Variants in RAPGEF4 observed in about 807,000 individuals in gnomAD.
RAPGEF4 encodes Rap guanine nucleotide exchange factor 4, also known as RAP guanine-nucleotide-exchange factor (GEF) 4.
In RAPGEF4, 66 loss-of-function variants were observed where a neutral mutation model predicts 147.9. The ratio of observed to expected loss-of-function variants is 0.45; its 90% CI spans 0.37 to 0.55. The LOEUF is 0.55. Ranked by LOEUF, RAPGEF4 falls within the 20% of genes least tolerant of loss-of-function variation. The probability of loss-of-function intolerance (pLI) is 0.00; values close to 1 mark genes in which losing one functional copy is unlikely to be tolerated. For missense variants in RAPGEF4, 1,071 were observed against 1,257.3 expected, an observed-to-expected ratio of 0.85 and a Z score of 2.24; for synonymous variants, 419 against 442.7, an observed-to-expected ratio of 0.95 and a Z score of 0.67.
intron 4 of RAPGEF4, among the ~76,000 whole-genome samples, chr2:172,833,588 G>T (rs563378378): frequency 6.6e-6 from 1 of 152,182 alleles, no homozygotes; most frequent in South Asian, 2.1e-4. Context: ...GTCTGTGAAT[G>T]GCTGGTTCAC....
intron 1 of RAPGEF4, among the ~76,000 whole-genome samples, chr2:172,773,370 T>A (rs964074151): frequency 6.6e-6 from 1 of 152,230 alleles, no homozygotes; most frequent in Non-Finnish European, 1.5e-5. Context: ...TAGGGACAAA[T>A]GGTTCATATG....
intron 4 of RAPGEF4, among the ~76,000 whole-genome samples, chr2:172,825,278 G>T (rs773952256): frequency 1.3e-5 from 2 of 152,190 alleles, no homozygotes; most frequent in Non-Finnish European, 2.9e-5. Flanking sequence ...ATAAAGTGTT[G>T]AATATCTCAT....
intron 6 of RAPGEF4, among the ~76,000 whole-genome samples, chr2:172,929,870 A>G (rs915821040): frequency 2.6e-5 from 4 of 152,200 alleles, no homozygotes; most frequent in African/African-American, 9.7e-5. Flanking sequence ...AGCTCTGCCA[A>G]TTTCTAACAT....
At chr2:172,814,516 T>C (rs764126696) in intron 4 of RAPGEF4, 91 bp downstream of exon 4, 2 of 1,461,392 alleles carry the variant, frequency 1.4e-6, no homozygotes, top group Non-Finnish European at 1.9e-6. Context: ...CAAGCCTTAA[T>C]GTGTTCTGTT....
chr2:172,744,817 GT>G (rs36094379), intron 1 of RAPGEF4, among the ~76,000 whole-genome samples: 18,293 of 150,284 alleles, frequency 0.12, 1,316 homozygotes, highest in Non-Finnish European at 0.16. Context: ...TCATGTAGTT[GT>G]TTTTTTTTAG....
At chr2:172,801,381 G>T (rs1413038129) in intron 3 of RAPGEF4, among the ~76,000 whole-genome samples, 1 of 152,184 alleles carries the variant, frequency 6.6e-6, no homozygotes, top group Non-Finnish European at 1.5e-5. Context: ...GCTCCTTGCT[G>T]CCCTGCATGT....
rs375095247 is a variant in RAPGEF4 at position 172,990,779 on chromosome 2, C to T, written c.1375-31C>T. On this transcript the variant is annotated intron_variant, in intron 14 of 30. Transcript: ENST00000397081. ...TTTTCATTGTCTGAGTAAGCGGCAGCATCTGTATGTGGTGTAATTTGTATT... is the reference window on the plus strand; with the variant it reads ...TTTTCATTGTCTGAGTAAGCGGCAGTATCTGTATGTGGTGTAATTTGTATT... 4.2e-5 allele frequency: 64 copies of T among 1,518,144 alleles called. 1 individual carries two copies. Among genetic ancestry groups the T allele is most frequent in the East Asian group, 3.4e-4 (15 of 44,144 alleles). The allele number at this position is 1,518,144 out of a possible 1,614,324, so 94.0% of individuals were successfully genotyped here.
rs141037453 is a variant in RAPGEF4 at position 172,800,762 on chromosome 2, C to T, written c.297+3149C>T. Among the ~76,000 whole-genome samples the T allele has an allele frequency of 5.2e-4, 79 of 152,274 alleles. 1 individual carries two copies. In the East Asian group the frequency reaches 0.012, roughly 23 times the overall value. Reference sequence around the variant, plus strand: ...CAAGTGAGTAGACGAGGTACACGCACATCATGGAGGGTAATCAACTTTAAG... The same window carrying T: ...CAAGTGAGTAGACGAGGTACACGCATATCATGGAGGGTAATCAACTTTAAG... On this transcript the variant is annotated intron_variant, in intron 3 of 30. Coordinates refer to ENST00000397081, the MANE Select transcript of RAPGEF4 (RefSeq NM_007023.4).
intron 1 of RAPGEF4, among the ~76,000 whole-genome samples, chr2:172,794,102 G>T (rs1013388747): frequency 5.0e-4 from 76 of 152,040 alleles, no homozygotes; most frequent in African/African-American, 1.7e-3. Context: ...CACACAGCCT[G>T]GGTGACAAAG....
At chr2:172,804,811 A>G (rs1325285675) in intron 3 of RAPGEF4, among the ~76,000 whole-genome samples, 2 of 152,216 alleles carry the variant, frequency 1.3e-5, no homozygotes, top group Non-Finnish European at 2.9e-5. Context: ...TACATTTCAG[A>G]GAAGTATTAA....
chr2:172,832,411 T>C (rs1156780003), intron 4 of RAPGEF4, among the ~76,000 whole-genome samples: 1 of 152,182 alleles, frequency 6.6e-6, no homozygotes, highest in Non-Finnish European at 1.5e-5. Flanking sequence ...AAATATGGGA[T>C]CTCTTGTTCT....
At chr2:172,985,887 G>A (rs140509223) in intron 12 of RAPGEF4, among the ~76,000 whole-genome samples, 1 of 152,340 alleles carries the variant, frequency 6.6e-6, no homozygotes, top group African/African-American at 2.4e-5. Context: ...GAGGTTGTTA[G>A]TTAGAATGAT....
intron 6 of RAPGEF4, among the ~76,000 whole-genome samples, chr2:172,934,147 C>CTTTTTT (rs5836396): frequency 1.8e-4 from 18 of 99,134 alleles, no homozygotes; most frequent in Non-Finnish European, 2.0e-4. Flanking sequence ...TTATTTAATC[C>CTTTTTT]TTTTTTTTTT....
intron 16 of RAPGEF4, 125 bp from the exon 17 acceptor site, chr2:173,001,136 TGTAAA>T (rs1693877254): frequency 2.2e-6 from 3 of 1,352,226 alleles, no homozygotes; most frequent in South Asian, 1.5e-5. Context: ...AGTGCTTCCA[TGTAAA>T]GTAAACTCAT....
intron 29 of RAPGEF4, among the ~76,000 whole-genome samples, chr2:173,039,780 A>G (rs1291143693): frequency 1.3e-5 from 2 of 152,212 alleles, no homozygotes; most frequent in African/African-American, 4.8e-5. Flanking sequence ...GGTTTTATTC[A>G]TATGAAAGAG....
chr2:172,892,029 G>A (rs1008620330), intron 4 of RAPGEF4, among the ~76,000 whole-genome samples: 1 of 152,126 alleles, frequency 6.6e-6, no homozygotes, highest in African/African-American at 2.4e-5. Context: ...AAGACCAATG[G>A]TGGAAGGAAG....
intron 18 of RAPGEF4, 77 bp downstream of exon 18, chr2:173,014,691 C>G: frequency 1.5e-6 from 2 of 1,357,800 alleles, no homozygotes; most frequent in Middle Eastern, 4.8e-4. Context: ...TCAGCAGCTT[C>G]CCTGGAGAGA....
chr2:172,767,085 T>C (rs1259771105), intron 1 of RAPGEF4, among the ~76,000 whole-genome samples: 3 of 152,206 alleles, frequency 2.0e-5, no homozygotes, highest in African/African-American at 7.2e-5. Context: ...GTTTTTTATA[T>C]ACGGTCATAG....
intron 6 of RAPGEF4, among the ~76,000 whole-genome samples, chr2:172,924,976 C>A (rs1328005676): frequency 6.6e-6 from 1 of 152,106 alleles, no homozygotes; most frequent in Non-Finnish European, 1.5e-5. Flanking sequence ...GAGACAGAGT[C>A]TCATTCTGTT....
Sources: gnomAD v4.1 joint callset for allele counts (sites outside exome capture counted in the v4.1 genomes callset) on GRCh38, gnomAD v4.1.1 for gene constraint, MANE v1.5 for transcripts, NCBI Gene and HGNC (gene_info 2026-07-23, HGNC 2026-07-21) for gene names.